The following STPG2 variants were observed in gnomAD, a reference collection of about 807,000 sequenced individuals.
STPG2 encodes the protein sperm-tail PG-rich repeat-containing protein 2.
Under a neutral mutation model 54.2 loss-of-function variants are expected in STPG2, and 56 were observed. The ratio of observed to expected loss-of-function variants is 1.03; its 90% CI spans 0.83 to 1.29. STPG2 has a LOEUF of 1.29. STPG2 is among the 50% of genes most tolerant of loss of function. The probability of loss-of-function intolerance (pLI) is 0.00; values close to 1 mark genes in which losing one functional copy is unlikely to be tolerated. For synonymous variants in STPG2, 200 were observed against 181.8 expected (o/e 1.10, Z -0.81); for missense variants, 596 against 544.9 (o/e 1.09, Z -0.93).
At chr4:98,136,110 A>G (rs1470344572) in intron 1 of STPG2, among the ~76,000 whole-genome samples, 1 of 151,640 alleles carries the variant, frequency 6.6e-6, no homozygotes, top group Non-Finnish European at 1.5e-5. Context: ...AACAAGGTAG[A>G]AAAAAGATGA....
intron 4 of STPG2, among the ~76,000 whole-genome samples, chr4:97,475,903 G>C (rs1178976682): frequency 1.3e-5 from 2 of 152,044 alleles, no homozygotes; most frequent in Non-Finnish European, 2.9e-5. Context: ...TCATTCCTGT[G>C]TGATTTTGGT....
At chr4:97,768,024 G>A (rs745372111) in intron 9 of STPG2, among the ~76,000 whole-genome samples, 1 of 151,996 alleles carries the variant, frequency 6.6e-6, no homozygotes, top group Non-Finnish European at 1.5e-5. Context: ...AAAAATTAGC[G>A]GGCGTGGTGG....
At chr4:97,499,215 T>C (rs868300199) in intron 4 of STPG2, among the ~76,000 whole-genome samples, 1 of 151,920 alleles carries the variant, frequency 6.6e-6, no homozygotes, top group Non-Finnish European at 1.5e-5. Flanking sequence ...AACCAAGGGA[T>C]TGTCAGACTT....
At chr4:97,902,598 C>A (rs548355368) in intron 8 of STPG2, among the ~76,000 whole-genome samples, 1 of 152,146 alleles carries the variant, frequency 6.6e-6, no homozygotes, top group East Asian at 1.9e-4. Flanking sequence ...CAAGGAGATA[C>A]CACTTCACAT....
chr4:98,138,076 T>G (rs1331537165), intron 1 of STPG2, among the ~76,000 whole-genome samples: 1 of 152,058 alleles, frequency 6.6e-6, no homozygotes, highest in Non-Finnish European at 1.5e-5. Context: ...TCATCCATTC[T>G]GTAATAGTGA....
intron 9 of STPG2, among the ~76,000 whole-genome samples, chr4:97,784,535 T>C (rs1726763234): frequency 1.3e-5 from 2 of 151,942 alleles, no homozygotes; most frequent in African/African-American, 4.8e-5. Flanking sequence ...TCGTCATTTC[T>C]GAATATTTTT....
At chr4:98,023,525 C>T (rs1578791322) in intron 5 of STPG2, among the ~76,000 whole-genome samples, 1 of 152,322 alleles carries the variant, frequency 6.6e-6, no homozygotes, top group Non-Finnish European at 1.5e-5. Context: ...AGATCTCCAG[C>T]TGCGTGCTGG....
intron 3 of STPG2, among the ~76,000 whole-genome samples, chr4:98,113,522 C>T (rs1739420812): frequency 6.6e-6 from 1 of 152,012 alleles, no homozygotes; most frequent in Admixed American, 6.6e-5. Flanking sequence ...TACGTGGTCT[C>T]AGTGGGCTTG....
rs531242302 is a variant in STPG2 at position 97,911,080 on chromosome 4, G to C, written c.1044+32817C>G. Among the ~76,000 whole-genome samples, 4 of 152,344 alleles carry C rather than the reference G, an allele frequency of 2.6e-5. No homozygotes were observed. In the South Asian group the frequency reaches 6.2e-4, roughly 24 times the overall value. On this transcript the variant is annotated intron_variant, in intron 8 of 10. Transcript: ENST00000295268. The stretch of plus-strand genomic sequence containing the variant: ...AAGGGGAGCTCCCAGCTCCAGCCAA[G>C]AAAGGGGGTGAGTGATTGTGCGACC...
At chr4:98,042,489 G>T (rs758309592) in intron 5 of STPG2, among the ~76,000 whole-genome samples, 8 of 151,480 alleles carry the variant, frequency 5.3e-5, no homozygotes, top group Non-Finnish European at 1.0e-4. Flanking sequence ...CACTGTTTTT[G>T]CTGTGTCCCA....
chr4:97,734,471 C>T (rs576444736), intron 9 of STPG2, among the ~76,000 whole-genome samples: 80 of 152,210 alleles, frequency 5.3e-4, no homozygotes, highest in African/African-American at 1.9e-3. Context: ...TCTATGTGTC[C>T]ATGTGTTCTC....
intron 7 of STPG2, among the ~76,000 whole-genome samples, chr4:97,966,435 G>A (rs1386279097): frequency 1.3e-5 from 2 of 152,200 alleles, no homozygotes; most frequent in African/African-American, 2.4e-5. Context: ...ATGGAACCAA[G>A]CTGGAAAACA....
intron 10 of STPG2, among the ~76,000 whole-genome samples, chr4:97,593,737 T>G (rs2148900278): frequency 6.6e-6 from 1 of 152,120 alleles, no homozygotes; most frequent in East Asian, 1.9e-4. Flanking sequence ...AAGGAAGCAC[T>G]TTAGCGAGCA....
intron 5 of STPG2, among the ~76,000 whole-genome samples, chr4:98,001,000 T>C (rs906337915): frequency 1.3e-5 from 2 of 152,172 alleles, no homozygotes; most frequent in Non-Finnish European, 2.9e-5. Context: ...GAGTTGATGG[T>C]TGTCTTATGC....
At chr4:98,021,919 C>A (rs1008241496) in intron 5 of STPG2, among the ~76,000 whole-genome samples, 1 of 151,862 alleles carries the variant, frequency 6.6e-6, no homozygotes, top group Non-Finnish European at 1.5e-5. Flanking sequence ...GTCTCTGCAC[C>A]TGAGATGGGT....
chr4:97,637,619 T>A (rs1473569646), intron 10 of STPG2, among the ~76,000 whole-genome samples: 1 of 152,198 alleles, frequency 6.6e-6, no homozygotes, highest in Non-Finnish European at 1.5e-5. Flanking sequence ...AAAATCTCCT[T>A]AAGCTGATAA....
At chr4:97,840,185 A>C (rs1458808611) in intron 9 of STPG2, among the ~76,000 whole-genome samples, 1 of 151,614 alleles carries the variant, frequency 6.6e-6, no homozygotes, top group Non-Finnish European at 1.5e-5. Context: ...AAAAAATAAA[A>C]ATAATTCTGT....
intron 4 of STPG2, among the ~76,000 whole-genome samples, chr4:97,515,670 TG>T (rs1424505672): frequency 2.0e-5 from 3 of 152,092 alleles, no homozygotes; most frequent in Non-Finnish European, 4.4e-5. Context: ...TATGCCATAT[TG>T]TTTTTTTTAA....
At chr4:97,585,081 G>A (rs1578405857) in intron 10 of STPG2, among the ~76,000 whole-genome samples, 2 of 33,484 alleles carry the variant, frequency 6.0e-5, no homozygotes, top group African/African-American at 1.1e-4. Context: ...CTAAAACCAG[G>A]AAAGGACATA....
Sources: gnomAD v4.1 joint callset for allele counts (sites outside exome capture counted in the v4.1 genomes callset) on GRCh38, gnomAD v4.1.1 for gene constraint, MANE v1.5 for transcripts, NCBI Gene and HGNC (gene_info 2026-07-23, HGNC 2026-07-21) for gene names.